HEPH: variants seen among roughly 807,000 people sequenced by gnomAD.
HEPH encodes the protein hephaestin.
A neutral mutation model predicts 80.8 loss-of-function variants in HEPH; 69 were observed. The observed-to-expected ratio is 0.85, with a 90% CI of 0.70 to 1.04. The LOEUF (loss-of-function observed/expected upper bound fraction) is 1.04. HEPH is among the 50% of genes least tolerant of loss of function. The pLI, the probability that HEPH is intolerant of heterozygous loss-of-function variation, is 0.00. For missense variants in HEPH, 1,115 were observed against 891.3 expected (o/e 1.25, Z -3.20); for synonymous variants, 431 against 322.8 (o/e 1.34, Z -3.60).
intron 17 of HEPH, among the ~76,000 whole-genome samples, chrX:66,257,023 C>G (rs753403935): frequency 1.7e-4 from 19 of 112,188 alleles, no homozygotes; most frequent in Non-Finnish European, 3.0e-4. Context: ...ACTATTCCTT[C>G]TAGCCCAAGA....
At chrX:66,162,989 C>T, upstream of HEPH, 1 of 667,850 alleles carries the variant, frequency 1.5e-6, no homozygotes, top group Non-Finnish European at 2.2e-6. Flanking sequence ...GACCTGTCGC[C>T]ACAAATTGCT....
At chrX:66,180,063 G>A (rs1260306503) in intron 4 of HEPH, among the ~76,000 whole-genome samples, 1 of 110,954 alleles carries the variant, frequency 9.0e-6, no homozygotes, top group African/African-American at 3.3e-5. Context: ...GGGGCATTTA[G>A]GCCATTTACA....
At chrX:66,173,517 C>T (rs2086677850) in intron 3 of HEPH, 72 bp from the exon 4 acceptor site, 1 of 756,059 alleles carries the variant, frequency 1.3e-6, no homozygotes, top group Non-Finnish European at 2.0e-6. Context: ...CATGTCAGCT[C>T]TGTCTTAATT....
At chrX:66,268,440 G>C (rs1045433969), downstream of HEPH, 1 of 112,129 alleles carries the variant, frequency 8.9e-6, no homozygotes, top group Non-Finnish European at 1.9e-5. Context: ...AAGTGTGGGT[G>C]GAAGGGGGAT....
rs759619010 is a variant in HEPH at position 66,202,912 on chromosome X, C to CATATATATATATATATAT, written c.2078-442_2078-425dup. 7.3e-5 allele frequency among the ~76,000 whole-genome samples: 6 copies of CATATATATATATATATAT among 81,785 alleles called. No homozygotes were observed. In the Admixed American group the frequency reaches 8.2e-4, roughly 11 times the overall value. The allele number at this position is 81,785 out of a possible 115,157, so 71.0% of individuals were successfully genotyped here. A position where few individuals can be genotyped will look rare whatever the true frequency, so the allele number is the denominator to read the frequency against. The stretch of plus-strand genomic sequence containing the variant: ...CAATTGCCACAAGGTTTTATGTGTG[C>CATATATATATATATATAT]ATATATATATATATATATATATATA... On this transcript the variant is annotated intron_variant, in intron 12 of 20. Coordinates refer to ENST00000343002, the MANE Select transcript of HEPH (RefSeq NM_001367233.3).
Position 66,266,537 on chromosome X carries a change from C to G in HEPH, c.3342C>G (p.Ala1114=). 1 of 1,208,824 alleles carries G rather than the reference C, an allele frequency of 8.3e-7. No individual in the cohort carries two copies. The highest frequency in any genetic ancestry group is 1.1e-6 in the Non-Finnish European group (1 of 893,658). Residue 1114 remains alanine, a synonymous_variant, in exon 21 of 21, where the codon GCC becomes GCG. Transcript: ENST00000343002. ...NVEMLASVLV[A]ISVTLLLVVL... is the part of the protein sequence containing the mutation. Reference sequence around the variant, plus strand: ...AGATGCTGGCCTCTGTTTTGGTTGCCATTAGTGTCACCCTTCTGCTCGTTG... The same window carrying G: ...AGATGCTGGCCTCTGTTTTGGTTGCGATTAGTGTCACCCTTCTGCTCGTTG...
intron 15 of HEPH, among the ~76,000 whole-genome samples, chrX:66,221,533 G>C (rs1489111760): frequency 8.9e-6 from 1 of 112,658 alleles, no homozygotes; most frequent in Non-Finnish European, 1.9e-5. Flanking sequence ...ATTGCTGCCA[G>C]GGCCCTTAGA....
chrX:66,186,191 C>A (rs1274281342), intron 4 of HEPH, among the ~76,000 whole-genome samples: 2 of 97,616 alleles, frequency 2.0e-5, no homozygotes, highest in African/African-American at 7.9e-5. Context: ...GTGGAGCCTA[C>A]AGAGGCAGGC....
At chrX:66,263,344 G>T (rs1349353254) in intron 19 of HEPH, among the ~76,000 whole-genome samples, 1 of 111,240 alleles carries the variant, frequency 9.0e-6, no homozygotes, top group Non-Finnish European at 1.9e-5. Flanking sequence ...GTGGCAAATG[G>T]TTGGAAATAG....
intron 19 of HEPH, among the ~76,000 whole-genome samples, chrX:66,260,739 G>T (rs950594799): frequency 9.0e-6 from 1 of 111,054 alleles, no homozygotes; most frequent in African/African-American, 3.3e-5. Context: ...TTGTTCTATG[G>T]GGTTGTGAAA....
chrX:66,174,861 A>T (rs778549677), intron 4 of HEPH, among the ~76,000 whole-genome samples: 5 of 110,212 alleles, frequency 4.5e-5, no homozygotes, highest in African/African-American at 1.7e-4. Flanking sequence ...TTTTGATGGG[A>T]TTGTTTATTT....
chrX:66,226,778 C>A (rs972893802), intron 15 of HEPH, among the ~76,000 whole-genome samples: 1 of 111,315 alleles, frequency 9.0e-6, no homozygotes, highest in Admixed American at 9.5e-5. Flanking sequence ...CAGCAAGCAA[C>A]GAGATTGAAA....
intron 12 of HEPH, among the ~76,000 whole-genome samples, 200 bp from the exon 13 acceptor site, chrX:66,203,164 C>G (rs749109470): frequency 1.7e-4 from 19 of 109,428 alleles, no homozygotes; most frequent in Non-Finnish European, 3.6e-4. Flanking sequence ...GCTTTGGAGC[C>G]GGAGCTCTTA....
At chrX:66,191,494 C>T (rs779701924) in intron 6 of HEPH, among the ~76,000 whole-genome samples, 5 of 112,080 alleles carry the variant, frequency 4.5e-5, no homozygotes, top group Non-Finnish European at 9.4e-5. Context: ...AGCTGAGTGA[C>T]CTCTATAAGT....
chrX:66,200,647 G>A lies in HEPH; in HGVS notation c.1972G>A (p.Val658Ile), dbSNP rs921432411. Residue 658 changes from valine (V) to isoleucine (I), a missense_variant, in exon 12 of 21, where the codon GTC (valine) becomes ATC (isoleucine). Around this residue, in one of 3 missense-constraint regions of HEPH, gnomAD observed 716 missense variants for 523.5 expected, o/e 1.37. Coordinates refer to ENST00000343002, the MANE Select transcript of HEPH (RefSeq NM_001367233.3). ...GGGCACAGAGACTGATGTGCATGGA[G>A]TCATGTTCCAGGGCAACACTGTGCA... ...GLGTETDVHG[V>I]MFQGNTVQLQ... 9 of 1,209,602 alleles carry A rather than the reference G, an allele frequency of 7.4e-6. No individual in the cohort carries two copies. The highest frequency in any genetic ancestry group is 8.9e-6 in the Non-Finnish European group (8 of 895,009).
chrX:66,214,362 T>C (rs1243822218), intron 15 of HEPH, among the ~76,000 whole-genome samples: 1 of 112,127 alleles, frequency 8.9e-6, no homozygotes, highest in Non-Finnish European at 1.9e-5. Context: ...CTAGATATTC[T>C]TTTTTATTTT....
At position 66,263,693 on chromosome X, in the gene HEPH, G is replaced by A. The variant is rs2091437597; in HGVS notation, c.3244+5G>A. The A allele has an allele frequency of 5.8e-6, 7 of 1,203,177 alleles. No individual in the cohort carries two copies. Among genetic ancestry groups the A allele is most frequent in the South Asian group, 3.5e-5 (2 of 56,580 alleles). ...TCACCAAAGAGACTGAAAAAGGTAC[G>A]TAAAATGATGCACAGACTGGGTACT... On this transcript the variant is annotated splice_donor_5th_base_variant and intron_variant, in intron 20 of 20. Transcript: ENST00000343002.
intron 15 of HEPH, among the ~76,000 whole-genome samples, chrX:66,254,226 C>G (rs185520503): frequency 2.2e-3 from 245 of 110,649 alleles, no homozygotes; most frequent in African/African-American, 7.9e-3. Context: ...AACAAGGGTC[C>G]AAACTAGGGC....
chrX:66,247,715 G>A (rs1472010646), intron 15 of HEPH, among the ~76,000 whole-genome samples: 1 of 111,424 alleles, frequency 9.0e-6, no homozygotes, highest in Non-Finnish European at 1.9e-5. Flanking sequence ...AAAATAGGGA[G>A]TATCAACAAC....
Sources: allele counts gnomAD v4.1 joint callset (sites outside exome capture counted in the v4.1 genomes callset), GRCh38; gene constraint gnomAD v4.1.1; regional missense constraint gnomAD v4.1.1; transcripts MANE v1.5; gene names NCBI Gene and HGNC (gene_info 2026-07-23, HGNC 2026-07-21).